Variants in LRP1B observed in about 807,000 individuals in gnomAD.
LRP1B encodes the protein LDL receptor related protein 1B, also known as low-density lipoprotein receptor-related protein 1B.
LRP1B carries 217 observed loss-of-function variants against 556.6 expected under a neutral mutation model. The ratio of observed to expected loss-of-function variants is 0.39; its 90% CI spans 0.35 to 0.44. LRP1B has a LOEUF of 0.44. Among genes scored for constraint, LRP1B ranks in the 20% least tolerant of loss-of-function variants. The pLI is 1.00. For missense variants in LRP1B, 5,053 were observed against 5,620.8 expected, an observed-to-expected ratio of 0.90 and a Z score of 3.23; for synonymous variants, 2,047 against 1,865.8, an observed-to-expected ratio of 1.10 and a Z score of -2.50.
intron 41 of LRP1B, among the ~76,000 whole-genome samples, chr2:140,612,342 T>C (rs1216745493): frequency 6.6e-6 from 1 of 152,166 alleles, no homozygotes; most frequent in Non-Finnish European, 1.5e-5. Context: ...TTGAGTTTCT[T>C]AAATTTATTT....
chr2:141,621,119 C>A (rs938508960), intron 2 of LRP1B, among the ~76,000 whole-genome samples: 1 of 152,058 alleles, frequency 6.6e-6, no homozygotes, highest in African/African-American at 2.4e-5. Flanking sequence ...GCCTGGTGAG[C>A]TCCAACCCTC....
intron 50 of LRP1B, among the ~76,000 whole-genome samples, chr2:140,515,370 G>T (rs1488305359): frequency 1.3e-5 from 2 of 151,890 alleles, no homozygotes; most frequent in African/African-American, 4.8e-5. Flanking sequence ...TGGCATAGTG[G>T]CTGGCTTTTT....
At chr2:140,560,429 T>G (rs1680887812) in intron 43 of LRP1B, among the ~76,000 whole-genome samples, 1 of 152,152 alleles carries the variant, frequency 6.6e-6, no homozygotes, top group African/African-American at 2.4e-5. Context: ...ATGTTAACAT[T>G]TGGGGAAGCT....
chr2:140,366,188 A>G (rs1444000151), intron 71 of LRP1B, among the ~76,000 whole-genome samples: 2 of 151,704 alleles, frequency 1.3e-5, no homozygotes, highest in Non-Finnish European at 3.0e-5. Flanking sequence ...CAATCCAGAG[A>G]AGAACTGATG....
At chr2:140,382,219 T>C (rs979083812) in intron 67 of LRP1B, among the ~76,000 whole-genome samples, 4 of 152,218 alleles carry the variant, frequency 2.6e-5, no homozygotes, top group African/African-American at 7.2e-5. Context: ...AATCTTCTGA[T>C]AGAAATTCAG....
chr2:141,393,450 G>T (rs1006513128), intron 3 of LRP1B, among the ~76,000 whole-genome samples: 2 of 152,046 alleles, frequency 1.3e-5, no homozygotes, highest in African/African-American at 2.4e-5. Flanking sequence ...TAGCATTTCT[G>T]CCCAGTGAAA....
At chr2:140,761,425 G>C (rs1018506677) in intron 35 of LRP1B, among the ~76,000 whole-genome samples, 1 of 152,158 alleles carries the variant, frequency 6.6e-6, no homozygotes, top group Admixed American at 6.6e-5. Context: ...TCTCTGAGGG[G>C]AGGATGCATC....
At chr2:141,692,985 C>A (rs1691602439) in intron 2 of LRP1B, among the ~76,000 whole-genome samples, 1 of 151,962 alleles carries the variant, frequency 6.6e-6, no homozygotes, top group Admixed American at 6.6e-5. Context: ...ATGAGAGATC[C>A]ATTGTTCAAA....
intron 41 of LRP1B, among the ~76,000 whole-genome samples, chr2:140,662,880 C>A (rs2105343216): frequency 6.6e-6 from 1 of 152,178 alleles, no homozygotes; most frequent in Middle Eastern, 3.4e-3. Context: ...AGTGAGGCGC[C>A]TGCAAATGCT....
chr2:141,704,256 G>T (rs559615678), intron 2 of LRP1B, among the ~76,000 whole-genome samples: 4 of 151,760 alleles, frequency 2.6e-5, no homozygotes, highest in African/African-American at 7.3e-5. Context: ...CTTCTTTTCC[G>T]TTTCATTTAC....
At chr2:140,515,651 T>G (rs1023049390) in intron 50 of LRP1B, among the ~76,000 whole-genome samples, 1 of 152,024 alleles carries the variant, frequency 6.6e-6, no homozygotes, top group Non-Finnish European at 1.5e-5. Flanking sequence ...CAGAGAACAT[T>G]AGAAAACTGG....
At chr2:141,508,514 A>G (rs1268319844) in intron 2 of LRP1B, among the ~76,000 whole-genome samples, 1 of 152,188 alleles carries the variant, frequency 6.6e-6, no homozygotes, top group East Asian at 1.9e-4. Flanking sequence ...TAGCTAGGGA[A>G]GAAAAAGCTG....
chr2:141,942,130 C>A (rs990783931), intron 1 of LRP1B, among the ~76,000 whole-genome samples: 4 of 152,066 alleles, frequency 2.6e-5, no homozygotes, highest in Admixed American at 6.6e-5. Context: ...GGTTAAAATT[C>A]TTCGGTTAAA....
At chr2:141,955,073 T>G (rs766647891) in intron 1 of LRP1B, among the ~76,000 whole-genome samples, 28 of 152,162 alleles carry the variant, frequency 1.8e-4, no homozygotes, top group Non-Finnish European at 3.4e-4. Context: ...TATTTGCAAC[T>G]AACACAGCCA....
chr2:140,866,349 TATTTAA>T (rs1692950909), intron 27 of LRP1B, among the ~76,000 whole-genome samples: 1 of 152,150 alleles, frequency 6.6e-6, no homozygotes, highest in Non-Finnish European at 1.5e-5. Flanking sequence ...CTTCTTGCCT[TATTTAA>T]ATTTAATCAA....
intron 79 of LRP1B, among the ~76,000 whole-genome samples, chr2:140,327,437 T>C (rs1299279765): frequency 2.6e-5 from 4 of 152,148 alleles, no homozygotes; most frequent in Non-Finnish European, 5.9e-5. Context: ...TACTGGTTTC[T>C]GCTCAATTAT....
At chr2:142,052,492 A>C (rs116507121) in intron 1 of LRP1B, among the ~76,000 whole-genome samples, 7,184 of 152,154 alleles carry the variant, frequency 0.047, 239 homozygotes, top group Non-Finnish European at 0.059. Flanking sequence ...TTATCCTCAG[A>C]GTTTCAGTTA....
At chr2:140,374,174 G>A (rs1398197769) in intron 68 of LRP1B, among the ~76,000 whole-genome samples, 2 of 152,142 alleles carry the variant, frequency 1.3e-5, no homozygotes, top group African/African-American at 4.8e-5. Flanking sequence ...CACCTTCCCT[G>A]GGTCTGAACA....
intron 7 of LRP1B, among the ~76,000 whole-genome samples, chr2:141,155,698 C>T (rs1047445142): frequency 5.3e-5 from 8 of 151,916 alleles, no homozygotes; most frequent in African/African-American, 9.7e-5. Flanking sequence ...TACTGAGTTA[C>T]CCCTTATGTA....
Sources: allele counts gnomAD v4.1 joint callset (sites outside exome capture counted in the v4.1 genomes callset), GRCh38; gene constraint gnomAD v4.1.1; transcripts MANE v1.5; gene names NCBI Gene and HGNC (gene_info 2026-07-23, HGNC 2026-07-21).